The following NLRP14 variants were observed in gnomAD, a reference collection of about 807,000 sequenced individuals.
NLRP14 encodes the protein NACHT, LRR and PYD domains-containing protein 14.
A neutral mutation model predicts 94.7 loss-of-function variants in NLRP14; 105 were observed. That is an observed-to-expected ratio of 1.11 (90% CI 0.95 to 1.30). The LOEUF (loss-of-function observed/expected upper bound fraction) is 1.30. Among genes scored for constraint, NLRP14 ranks in the 50% most tolerant of loss-of-function variants. NLRP14 has a pLI of 0.00. For synonymous variants in NLRP14, 508 were observed against 459.9 expected (o/e 1.10, Z -1.34); for missense variants, 1,362 against 1,254.1 (o/e 1.09, Z -1.30).
chr11:7,040,163 C>T (rs759071518), intron 3 of NLRP14, among the ~76,000 whole-genome samples: 1 of 152,148 alleles, frequency 6.6e-6, no homozygotes, highest in Non-Finnish European at 1.5e-5. Context: ...CCAACTGGTT[C>T]ATATAAAAAC....
At chr11:7,080,412 A>G in the NLRP14 span, among the ~76,000 whole-genome samples, 130 of 152,338 alleles carry the variant, frequency 8.5e-4, 1 homozygote, top group African/African-American at 2.7e-3. Context: ...ATTCATTACA[A>G]CCATTCACAG....
At chr11:7,079,213 C>T in the NLRP14 span, among the ~76,000 whole-genome samples, 1 of 152,164 alleles carries the variant, frequency 6.6e-6, no homozygotes, top group Admixed American at 6.5e-5. Context: ...CTTGGAGCTT[C>T]TCCGCCCCCT....
Position 7,070,273 on chromosome 11 carries a change from C to T in NLRP14, c.2976-13C>T. 6.3e-7 allele frequency: 1 copy of T among 1,596,240 alleles called. No individual in the cohort carries two copies. The highest frequency in any genetic ancestry group is 8.6e-7 in the Non-Finnish European group (1 of 1,164,816). ...ATAAATTCATTTTTATCTTTTGTCT[C>T]TCTTCTCTACAGGTTGGAATACTGT... is the stretch of plus-strand genomic sequence containing the variant. On this transcript the variant is annotated splice_polypyrimidine_tract_variant and intron_variant, in intron 10 of 11. Transcript: ENST00000299481.
intron 1 of NLRP14, among the ~76,000 whole-genome samples, chr11:7,036,207 A>G (rs1043065820): frequency 6.6e-6 from 1 of 152,246 alleles, no homozygotes; most frequent in Non-Finnish European, 1.5e-5. Context: ...ATGGGTTCCC[A>G]TTTTAGTTCA....
At chr11:7,023,638 C>A (rs1045800038) in intron 1 of NLRP14, among the ~76,000 whole-genome samples, 1 of 151,238 alleles carries the variant, frequency 6.6e-6, no homozygotes, top group Non-Finnish European at 1.5e-5. Context: ...ATTAGGCCAT[C>A]TTGCATTGTA....
At chr11:7,089,721 C>T in the NLRP14 span, 1 of 1,529,984 alleles carries the variant, frequency 6.5e-7, no homozygotes, top group Non-Finnish European at 8.8e-7. Context: ...GCCGCTGCCC[C>T]CGCGCCGCGA....
At chr11:7,056,540 C>T (rs887910240) in intron 6 of NLRP14, among the ~76,000 whole-genome samples, 5 of 144,172 alleles carry the variant, frequency 3.5e-5, no homozygotes, top group Middle Eastern at 3.7e-3. Flanking sequence ...AAAGAAATCT[C>T]AAGAAACTCA....
Position 7,067,021 on chromosome 11 carries a change from G to A in NLRP14, c.2976-3265G>A, listed in dbSNP as rs61623045. Among the ~76,000 whole-genome samples, 810 of 152,196 alleles carry A rather than the reference G, an allele frequency of 5.3e-3. 3 individuals are homozygous for A. The highest frequency in any genetic ancestry group is 0.013 in the African/African-American group (530 of 41,500). ...AAGGTCAAGTGGTTGTAGGTGTGTG[G>A]TGATATTTCTGAGGCTTTTGCTCTG... On this transcript the variant is annotated intron_variant, in intron 10 of 11. Coordinates refer to ENST00000299481, the MANE Select transcript of NLRP14 (RefSeq NM_176822.4).
In NLRP14 at chr11:7,042,962, TAA is replaced by T. The variant is rs565060600; in HGVS notation, c.937_938del (p.Lys313GlufsTer19). The T allele has an allele frequency of 1.2e-6, 2 of 1,614,180 alleles. No individual in the cohort carries two copies. The highest frequency in any genetic ancestry group is 2.7e-5 in the African/African-American group (2 of 75,054). On this transcript the variant is annotated frameshift_variant, in exon 4 of 12. Transcript: ENST00000299481. LOFTEE classifies it high-confidence loss of function. ...LLVTTRLTTS[K>X]RLKQLLKNHH... is the part of the protein sequence containing the mutation. ...TGGTGACAACAAGACTCACAACTTC[TAA>T]GAGACTAAAGCAGTTGTTGAAGAAT...
At chr11:7,057,252 G>T (rs2119674653) in intron 6 of NLRP14, among the ~76,000 whole-genome samples, 1 of 152,054 alleles carries the variant, frequency 6.6e-6, no homozygotes, top group African/African-American at 2.4e-5. Context: ...ACGGGCTCAT[G>T]AATAAATGAG....
the NLRP14 span, chr11:7,089,392 G>A: frequency 1.9e-6 from 3 of 1,597,116 alleles, no homozygotes; most frequent in Non-Finnish European, 1.7e-6. Context: ...GCGTTCGAGA[G>A]CAGCCGGCGG....
downstream of NLRP14, among the ~76,000 whole-genome samples, chr11:7,074,343 C>T (rs1464661488): frequency 5.3e-5 from 8 of 152,194 alleles, no homozygotes; most frequent in Non-Finnish European, 1.2e-4. Context: ...GGTTGATTCC[C>T]AGTGAGGACA....
intron 5 of NLRP14, among the ~76,000 whole-genome samples, chr11:7,048,897 G>A (rs1390183429): frequency 6.6e-6 from 1 of 152,024 alleles, no homozygotes; most frequent in Admixed American, 6.6e-5. Context: ...TAAGTGAGAT[G>A]GTGCCATTTA....
chr11:7,060,507 AT>A (rs1424718719), intron 9 of NLRP14, among the ~76,000 whole-genome samples: 1 of 151,944 alleles, frequency 6.6e-6, no homozygotes, highest in Non-Finnish European at 1.5e-5. Context: ...AACAGTAGCC[AT>A]TTTATTCTTT....
the NLRP14 span, chr11:7,089,474 G>A: frequency 7.9e-7 from 1 of 1,269,318 alleles, no homozygotes; most frequent in Non-Finnish European, 9.9e-7. Context: ...GCGGCGGCCC[G>A]CGGCGTTCCC....
the NLRP14 span, among the ~76,000 whole-genome samples, chr11:7,077,853 G>A: frequency 6.6e-6 from 1 of 152,302 alleles, no homozygotes; most frequent in East Asian, 1.9e-4. Flanking sequence ...TTCAAGATGA[G>A]ATTTGGGTGG....
the NLRP14 span, among the ~76,000 whole-genome samples, chr11:7,082,630 T>G: frequency 2.0e-5 from 3 of 152,336 alleles, no homozygotes; most frequent in East Asian, 5.8e-4. Context: ...GTTTCCGTCA[T>G]TACAGAACCC....
chr11:7,059,834 AAG>A lies in NLRP14; in HGVS notation c.2634-58_2634-57del, dbSNP rs1227270238. On this transcript the variant is annotated intron_variant, in intron 8 of 11. Coordinates refer to ENST00000299481, the MANE Select transcript of NLRP14 (RefSeq NM_176822.4). ...TCAAATCATGAAATCTCTTCAGAGA[AAG>A]AAATCTCTGGACAGTAGAGCAATGA... 5 of 1,409,510 alleles carry A rather than the reference AAG, an allele frequency of 3.5e-6. No individual in the cohort carries two copies. The Admixed American group carries it at 9.0e-5, about 25-fold the overall frequency. The allele number at this position is 1,409,510 out of a possible 1,614,324, so 87.3% of individuals were successfully genotyped here.
At position 7,043,570 on chromosome 11, in the gene NLRP14, T is replaced by C. The variant is rs968196388; in HGVS notation, c.1544T>C (p.Leu515Pro). Residue 515 changes from leucine to proline, a missense_variant, in exon 4 of 12, where the codon CTT becomes CCT. Leu to Pro is a moderately conservative substitution (Grantham distance 98). Transcript: ENST00000299481. Reference sequence around the variant, plus strand: ...CCTTTTGAAGATTTGAAGTCATTACTTCAAAGCACAAGTTATAAAGACCCC... The same window carrying C: ...CCTTTTGAAGATTTGAAGTCATTACCTCAAAGCACAAGTTATAAAGACCCC... ...CQPFEDLKSL[L>P]QSTSYKDPHL... 6.2e-7 allele frequency: 1 copy of C among 1,614,122 alleles called. No individual in the cohort carries two copies. The highest frequency in any genetic ancestry group is 1.3e-5 in the African/African-American group (1 of 74,938).
Sources: allele counts gnomAD v4.1 joint callset (sites outside exome capture counted in the v4.1 genomes callset), GRCh38; gene constraint gnomAD v4.1.1; transcripts MANE v1.5; gene names NCBI Gene and HGNC (gene_info 2026-07-23, HGNC 2026-07-21).